CAMTA1: variants seen among roughly 807,000 people sequenced by gnomAD.
CAMTA1 encodes the protein calmodulin-binding transcription activator 1.
In CAMTA1, 27 loss-of-function variants were observed where a neutral mutation model predicts 170.9. That is an observed-to-expected ratio of 0.16 (90% CI 0.12 to 0.22). CAMTA1 has a LOEUF of 0.22. Among genes scored for constraint, CAMTA1 ranks in the 10% least tolerant of loss-of-function variants. The pLI, the probability that CAMTA1 is intolerant of heterozygous loss-of-function variation, is 1.00. For missense variants in CAMTA1, 1,619 were observed against 2,217.2 expected (o/e 0.73, Z 5.42); for synonymous variants, 833 against 891.5 (o/e 0.93, Z 1.17).
At chr1:7,384,182 G>A (rs1157541057) in intron 5 of CAMTA1, among the ~76,000 whole-genome samples, 3 of 152,242 alleles carry the variant, frequency 2.0e-5, no homozygotes, top group Non-Finnish European at 4.4e-5. Context: ...GGGGAATGGA[G>A]CGAAAGATGG....
At chr1:7,211,575 G>A (rs1321450988) in intron 4 of CAMTA1, among the ~76,000 whole-genome samples, 1 of 152,184 alleles carries the variant, frequency 6.6e-6, no homozygotes, top group African/African-American at 2.4e-5. Context: ...GTTGTTATCA[G>A]TGGTTCTTTG....
rs2095764463 is a variant in CAMTA1, at chr1:7,641,947, C to A, written c.664+1394C>A. ...AAGCTCCTGAGCACAGCCTGCAGCC[C>A]CCCCACCCGCAGCCCCCGGCCTCTG... is the stretch of plus-strand genomic sequence containing the variant. On this transcript the variant is annotated intron_variant, in intron 7 of 22. Transcript: ENST00000303635. This position sits in a 1 kb window ranked among gnomAD's most constrained non-coding sequence, Gnocchi z 4.5. Among the ~76,000 whole-genome samples the A allele has an allele frequency of 6.6e-6, 1 of 152,056 alleles. No homozygotes were observed. The highest frequency in any genetic ancestry group is 2.4e-5 in the African/African-American group (1 of 41,368).
Position 7,467,883 on chromosome 1 carries a change from G to A in CAMTA1, c.492G>A (p.Arg164=). Residue 164 remains arginine, a synonymous_variant, in exon 6 of 23, where the codon AGG becomes AGA. Coordinates refer to ENST00000303635, the MANE Select transcript of CAMTA1 (RefSeq NM_015215.4). ...HSSIIPTFHR[R]CYWLLQNPDI... ...CCATCATCCCCACCTTCCACCGGAGGTGCTACTGGCTCCTTCAGGTAGGTG... is the reference window on the plus strand; with the variant it reads ...CCATCATCCCCACCTTCCACCGGAGATGCTACTGGCTCCTTCAGGTAGGTG... 2 of 1,613,970 alleles carry A rather than the reference G, an allele frequency of 1.2e-6. No homozygotes were observed. Among genetic ancestry groups the A allele is most frequent in the East Asian group, 2.2e-5 (1 of 44,876 alleles).
chr1:6,897,746 C>G (rs1364877667), intron 3 of CAMTA1, among the ~76,000 whole-genome samples: 2 of 152,248 alleles, frequency 1.3e-5, no homozygotes, highest in Non-Finnish European at 2.9e-5. Flanking sequence ...TCTGATGGAA[C>G]CTGAAGAAGT....
chr1:6,804,790 A>G (rs1489605915), intron 1 of CAMTA1, among the ~76,000 whole-genome samples: 5 of 152,166 alleles, frequency 3.3e-5, no homozygotes, highest in African/African-American at 9.7e-5. Context: ...TCCTGGGCTC[A>G]AGTGATCCTT....
At chr1:7,481,311 G>T (rs2093530295) in intron 6 of CAMTA1, among the ~76,000 whole-genome samples, 1 of 152,180 alleles carries the variant, frequency 6.6e-6, no homozygotes, top group Non-Finnish European at 1.5e-5. Context: ...CTGTACCCTT[G>T]ACCTTGGTCT....
rs1245728656 is a variant in CAMTA1, at chr1:7,044,704, AGG to A, written c.235-46599_235-46598del. Among the ~76,000 whole-genome samples the A allele has an allele frequency of 3.5e-5, 4 of 113,318 alleles. No homozygotes were observed. In the East Asian group the frequency reaches 1.3e-3, roughly 36 times the overall value. 74.3% of individuals were successfully genotyped at this position (113,318 alleles called of 152,430 possible). ...CCTCCCCTCTCTGGGCGACCTTCCG[AGG>A]AGGCATCAGCTCTTCCCTTGCTTTG... On this transcript the variant is annotated intron_variant, in intron 3 of 22. Coordinates refer to ENST00000303635, the MANE Select transcript of CAMTA1 (RefSeq NM_015215.4). The surrounding 1 kb of genome is among the most constrained non-coding windows in gnomAD (Gnocchi z 5.0).
At chr1:7,497,805 G>A (rs1385070392) in intron 6 of CAMTA1, among the ~76,000 whole-genome samples, 1 of 152,226 alleles carries the variant, frequency 6.6e-6, no homozygotes, top group Admixed American at 6.5e-5. Flanking sequence ...GGCAGCGCTA[G>A]ACACCTGGGA....
In CAMTA1 at chr1:7,107,181, G is replaced by T. The variant is rs114199423; in HGVS notation, c.302+15810G>T. 9.8e-4 allele frequency among the ~76,000 whole-genome samples: 149 copies of T among 152,202 alleles called. 1 individual carries two copies. The highest frequency in any genetic ancestry group is 3.4e-3 in the African/African-American group (142 of 41,512). On this transcript the variant is annotated intron_variant, in intron 4 of 22. Transcript: ENST00000303635. ...GAAAACATGGCCCCTGATCTAATTG[G>T]AAAGACAAGTCACACATATCTGAGA...
At chr1:6,806,034 T>C (rs1644479322) in intron 1 of CAMTA1, among the ~76,000 whole-genome samples, 1 of 152,232 alleles carries the variant, frequency 6.6e-6, no homozygotes, top group African/African-American at 2.4e-5. Context: ...CAGTTAATTT[T>C]TGTACACAGT....
chr1:6,945,965 C>T (rs759959220), intron 3 of CAMTA1, among the ~76,000 whole-genome samples: 10 of 152,168 alleles, frequency 6.6e-5, no homozygotes, highest in Non-Finnish European at 1.3e-4. Context: ...TGCTTTGACC[C>T]ATCTTGTATA....
At position 7,561,965 on chromosome 1, in the gene CAMTA1, C is replaced by T. The variant is rs142659369; in HGVS notation, c.511-78435C>T. Among the ~76,000 whole-genome samples the T allele has an allele frequency of 1.3e-5, 2 of 152,330 alleles. No individual in the cohort carries two copies. The highest frequency in any genetic ancestry group is 2.9e-5 in the Non-Finnish European group (2 of 68,032). On this transcript the variant is annotated intron_variant, in intron 6 of 22. Coordinates refer to ENST00000303635, the MANE Select transcript of CAMTA1 (RefSeq NM_015215.4). This position sits in a 1 kb window ranked among gnomAD's most constrained non-coding sequence, Gnocchi z 5.3. ...CCCTGACCTGCCCAGTCCTGTGTTCCAGGTCAGAAGAGCAAACGCAGTCTC... is the reference window on the plus strand; with the variant it reads ...CCCTGACCTGCCCAGTCCTGTGTTCTAGGTCAGAAGAGCAAACGCAGTCTC...
intron 4 of CAMTA1, among the ~76,000 whole-genome samples, chr1:7,168,038 G>T (rs906549651): frequency 1.3e-5 from 2 of 152,008 alleles, no homozygotes; most frequent in African/African-American, 2.4e-5. Flanking sequence ...ACCCAGCTGA[G>T]TTTTCTATCT....
At chr1:7,322,819 C>A (rs1195365276) in intron 5 of CAMTA1, among the ~76,000 whole-genome samples, 1 of 152,156 alleles carries the variant, frequency 6.6e-6, no homozygotes, top group Non-Finnish European at 1.5e-5. Context: ...AGAGATTTGT[C>A]AATATCAGAC....
At chr1:7,349,000 GAA>G (rs2084439212) in intron 5 of CAMTA1, among the ~76,000 whole-genome samples, 4 of 152,148 alleles carry the variant, frequency 2.6e-5, no homozygotes, top group Admixed American at 6.5e-5. Context: ...CAGCCACAGT[GAA>G]TCATTTCTTC....
intron 11 of CAMTA1, among the ~76,000 whole-genome samples, chr1:7,704,340 C>T (rs1353870951): frequency 6.9e-6 from 1 of 145,718 alleles, no homozygotes; most frequent in African/African-American, 2.5e-5. Flanking sequence ...TCGGCCCGGG[C>T]AGCGGGCGCA....
At chr1:7,617,997 C>G (rs2095571293) in intron 6 of CAMTA1, among the ~76,000 whole-genome samples, 1 of 152,190 alleles carries the variant, frequency 6.6e-6, no homozygotes, top group Non-Finnish European at 1.5e-5. Flanking sequence ...CACCCCTGTA[C>G]CATGCACACA....
intron 4 of CAMTA1, among the ~76,000 whole-genome samples, chr1:7,107,106 T>G (rs1041917041): frequency 2.0e-5 from 3 of 152,114 alleles, no homozygotes; most frequent in Non-Finnish European, 4.4e-5. Flanking sequence ...ATTGAGTGCC[T>G]GCTGCGTGCA....
rs1181886794 is a variant in CAMTA1, at chr1:7,663,515, G to T, written c.968G>T (p.Arg323Leu). 6.2e-7 allele frequency: 1 copy of T among 1,602,668 alleles called. No individual in the cohort carries two copies. Among genetic ancestry groups the T allele is most frequent in the Non-Finnish European group, 8.5e-7 (1 of 1,171,064 alleles). The change falls in exon 9 of 23, where the codon CGT becomes CTT. Residue 323 changes from arginine (R) to leucine (L), a missense_variant. This residue lies in a region of CAMTA1 where 731 missense variants were observed against 907.6 expected (regional missense o/e 0.81). Transcript: ENST00000303635. The stretch of plus-strand genomic sequence containing the variant: ...CACAGCCACAGCAAGGGCTCCAGCC[G>T]TGAGAAGAGGAACGGCAAGGTGGCC... ...HEHSHSKGSS[R>L]EKRNGKVAKP... is the part of the protein sequence containing the mutation.
Sources: allele counts gnomAD v4.1 joint callset (sites outside exome capture counted in the v4.1 genomes callset), GRCh38; gene constraint gnomAD v4.1.1; regional missense constraint gnomAD v4.1.1; non-coding constraint Gnocchi (gnomAD v3.1); transcripts MANE v1.5; gene names NCBI Gene and HGNC (gene_info 2026-07-23, HGNC 2026-07-21).